MCUB: variants seen among roughly 807,000 people sequenced by gnomAD.
MCUB encodes calcium uniporter regulatory subunit MCUb, mitochondrial.
Under a neutral mutation model 41.4 loss-of-function variants are expected in MCUB, and 46 were observed. That is an observed-to-expected ratio of 1.11 (90% CI 0.88 to 1.42). The LOEUF (loss-of-function observed/expected upper bound fraction) is 1.42. Among genes scored for constraint, MCUB ranks in the 40% most tolerant of loss-of-function variants. MCUB has a pLI of 0.00. For missense variants in MCUB, 403 were observed against 404.9 expected (o/e 1.00, Z 0.04); for synonymous variants, 148 against 148.2 (o/e 1.00, Z 0.01).
At chr4:109,561,502 C>G (rs927481318) in intron 1 of MCUB, among the ~76,000 whole-genome samples, 1 of 152,002 alleles carries the variant, frequency 6.6e-6, no homozygotes, top group Non-Finnish European at 1.5e-5. Context: ...TTCAGAAAAT[C>G]AATTCCAGGA....
At chr4:109,623,137 A>C (rs1728289457) in intron 1 of MCUB, among the ~76,000 whole-genome samples, 1 of 152,336 alleles carries the variant, frequency 6.6e-6, no homozygotes, top group South Asian at 2.1e-4. Flanking sequence ...ACGATCCATG[A>C]TCCTCAACCA....
At chr4:109,605,099 GTTC>G (rs1355570349) in intron 1 of MCUB, among the ~76,000 whole-genome samples, 1 of 152,086 alleles carries the variant, frequency 6.6e-6, no homozygotes, top group Non-Finnish European at 1.5e-5. Context: ...ATTGATATTA[GTTC>G]TTCTTTAAAT....
At chr4:109,570,149 A>G (rs1361286062) in intron 1 of MCUB, among the ~76,000 whole-genome samples, 2 of 152,030 alleles carry the variant, frequency 1.3e-5, no homozygotes, top group Non-Finnish European at 2.9e-5. Flanking sequence ...ATCTATCTCC[A>G]TATAGTGTTT....
At chr4:109,687,019 T>A (rs1443149891) in intron 7 of MCUB, among the ~76,000 whole-genome samples, 1 of 151,840 alleles carries the variant, frequency 6.6e-6, no homozygotes, top group African/African-American at 2.4e-5. Flanking sequence ...TAAACTGTAT[T>A]TTTTTTTAAG....
At chr4:109,598,728 G>A (rs1438208375) in intron 1 of MCUB, among the ~76,000 whole-genome samples, 6 of 152,100 alleles carry the variant, frequency 3.9e-5, no homozygotes. Context: ...TGGTTACAAA[G>A]GATTTGTCCG....
intron 1 of MCUB, among the ~76,000 whole-genome samples, chr4:109,638,315 C>A (rs540433692): frequency 6.6e-6 from 1 of 151,892 alleles, no homozygotes; most frequent in African/African-American, 2.4e-5. Flanking sequence ...TGAGATCATG[C>A]CAGTGCACTC....
At chr4:109,673,484 G>C (rs1729505268) in intron 4 of MCUB, among the ~76,000 whole-genome samples, 1 of 152,196 alleles carries the variant, frequency 6.6e-6, no homozygotes, top group African/African-American at 2.4e-5. Context: ...AGGTTTCCCT[G>C]TAACCTCAGC....
chr4:109,684,218 A>G (rs1368262128), intron 5 of MCUB, among the ~76,000 whole-genome samples: 1 of 151,812 alleles, frequency 6.6e-6, no homozygotes, highest in African/African-American at 2.4e-5. Flanking sequence ...GCCTGCCACC[A>G]TGCCCGGCTA....
intron 1 of MCUB, among the ~76,000 whole-genome samples, chr4:109,658,320 A>T (rs1209822839): frequency 6.6e-6 from 1 of 151,330 alleles, no homozygotes; most frequent in East Asian, 1.9e-4. Flanking sequence ...TTTTTAAGAC[A>T]GAGTTTTGCT....
At chr4:109,612,263 C>CTTTT (rs56813205) in intron 1 of MCUB, among the ~76,000 whole-genome samples, 36 of 114,808 alleles carry the variant, frequency 3.1e-4, no homozygotes, top group Middle Eastern at 4.9e-3. Context: ...TCCTCCTTTT[C>CTTTT]TTTTTTTTTT....
intron 1 of MCUB, among the ~76,000 whole-genome samples, chr4:109,564,324 C>T (rs1039694319): frequency 2.6e-5 from 4 of 151,848 alleles, no homozygotes; most frequent in African/African-American, 9.7e-5. Flanking sequence ...TAGTAGAGAC[C>T]GGGTTTGGTT....
chr4:109,682,180 T>C lies in MCUB; in HGVS notation c.452-402T>C, dbSNP rs141601816. 9.5e-3 allele frequency among the ~76,000 whole-genome samples: 1,447 copies of C among 152,352 alleles called. 19 individuals carry two copies. The highest frequency in any genetic ancestry group is 0.033 in the African/African-American group (1,364 of 41,572). ...TAGTTGGCCTAGGAAATCCAGCTAG[T>C]TCTGTCTCTCACGAGGTCTTTGTAA... On this transcript the variant is annotated intron_variant, in intron 4 of 7. Transcript: ENST00000394650.
chr4:109,577,648 C>T (rs1309997792), intron 1 of MCUB, among the ~76,000 whole-genome samples: 5 of 21,052 alleles, frequency 2.4e-4, no homozygotes, highest in African/African-American at 7.9e-4. Flanking sequence ...CTCGCTCTGT[C>T]GCCCAGACTG....
chr4:109,687,688 C>T lies in MCUB; in HGVS notation c.*96C>T. ...CCATGGTTCATTTTGATTGTTTAAT[C>T]TTTGTTATTAAATTCTTGTAAAACA... is the stretch of plus-strand genomic sequence containing the variant. On this transcript the variant is annotated 3_prime_UTR_variant, in exon 8 of 8. Transcript: ENST00000394650. The T allele has an allele frequency of 4.0e-6, 3 of 741,046 alleles. No homozygotes were observed. The highest frequency in any genetic ancestry group is 6.9e-6 in the Non-Finnish European group (3 of 434,036). 45.9% of individuals were successfully genotyped at this position (741,046 alleles called of 1,614,324 possible).
At chr4:109,625,098 C>G (rs1728333495) in intron 1 of MCUB, among the ~76,000 whole-genome samples, 1 of 152,056 alleles carries the variant, frequency 6.6e-6, no homozygotes, top group African/African-American at 2.4e-5. Flanking sequence ...TGAGATCGCA[C>G]CACTGCACTC....
chr4:109,684,030 A>G (rs1489555515), intron 5 of MCUB, among the ~76,000 whole-genome samples: 1 of 151,510 alleles, frequency 6.6e-6, no homozygotes, highest in African/African-American at 2.4e-5. Flanking sequence ...CTTCAAAGTA[A>G]TGCAGATGTG....
chr4:109,588,711 G>T (rs1727367967), intron 1 of MCUB, among the ~76,000 whole-genome samples: 1 of 152,090 alleles, frequency 6.6e-6, no homozygotes, highest in South Asian at 2.1e-4. Flanking sequence ...TTTAGATAAT[G>T]AATATAAATA....
intron 1 of MCUB, among the ~76,000 whole-genome samples, chr4:109,612,238 G>A (rs1013999744): frequency 5.3e-5 from 8 of 149,806 alleles, no homozygotes; most frequent in African/African-American, 2.0e-4. Context: ...AGAAAGCTCT[G>A]GTATTTCTTC....
chr4:109,577,149 G>A (rs550839383), intron 1 of MCUB, among the ~76,000 whole-genome samples: 1 of 152,232 alleles, frequency 6.6e-6, no homozygotes, highest in South Asian at 2.1e-4. Flanking sequence ...ACCACACCTG[G>A]GCAGAAATTA....
Sources: allele counts gnomAD v4.1 joint callset (sites outside exome capture counted in the v4.1 genomes callset), GRCh38; gene constraint gnomAD v4.1.1; transcripts MANE v1.5; gene names NCBI Gene and HGNC (gene_info 2026-07-23, HGNC 2026-07-21).